The following BTBD9 variants were observed in gnomAD, a reference collection of about 807,000 sequenced individuals.
BTBD9 encodes BTB domain containing 9.
In BTBD9, 49 loss-of-function variants were observed where a neutral mutation model predicts 64.3. That is an observed-to-expected ratio of 0.76 (90% confidence interval 0.61 to 0.97). The LOEUF is 0.97. BTBD9 is among the 50% of genes least tolerant of loss of function. BTBD9 has a pLI of 0.00. For synonymous variants in BTBD9, 260 were observed against 274.7 expected (o/e 0.95, Z 0.53); for missense variants, 598 against 762.1 (o/e 0.78, Z 2.53).
At chr6:38,474,312 C>G (rs991399016) in intron 6 of BTBD9, among the ~76,000 whole-genome samples, 1 of 152,034 alleles carries the variant, frequency 6.6e-6, no homozygotes, top group Non-Finnish European at 1.5e-5. Flanking sequence ...CAACCGAGGT[C>G]AAGAGCTTGA....
intron 6 of BTBD9, among the ~76,000 whole-genome samples, chr6:38,480,314 T>C (rs1328840882): frequency 6.6e-6 from 1 of 152,172 alleles, no homozygotes; most frequent in African/African-American, 2.4e-5. Flanking sequence ...ACAGCATGCA[T>C]TCAACACTCA....
At chr6:38,280,952 T>C (rs1170250042) in intron 8 of BTBD9, among the ~76,000 whole-genome samples, 1 of 152,226 alleles carries the variant, frequency 6.6e-6, no homozygotes, top group Non-Finnish European at 1.5e-5. Flanking sequence ...ATTTGGAAAC[T>C]GCTGCAAAGA....
At chr6:38,491,488 T>C (rs1284397390) in intron 6 of BTBD9, among the ~76,000 whole-genome samples, 1 of 152,236 alleles carries the variant, frequency 6.6e-6, no homozygotes, top group Non-Finnish European at 1.5e-5. Context: ...AATTAAGTAA[T>C]AACACCTGTT....
intron 7 of BTBD9, among the ~76,000 whole-genome samples, chr6:38,299,525 C>A (rs1240203570): frequency 1.3e-5 from 2 of 152,184 alleles, no homozygotes; most frequent in African/African-American, 4.8e-5. Flanking sequence ...CCTGTTGTTG[C>A]CTGACTTTTT....
chr6:38,458,164 G>C (rs905927758), intron 6 of BTBD9, among the ~76,000 whole-genome samples: 1 of 152,116 alleles, frequency 6.6e-6, no homozygotes, highest in African/African-American at 2.4e-5. Context: ...AAACAAAACA[G>C]ATTAAAATAT....
chr6:38,630,439 T>G (rs993412173), intron 1 of BTBD9, among the ~76,000 whole-genome samples: 1 of 152,220 alleles, frequency 6.6e-6, no homozygotes, highest in African/African-American at 2.4e-5. Flanking sequence ...AGAATATCCT[T>G]GTTTTTAGGA....
At chr6:38,178,922 A>G (rs986169136) in intron 10 of BTBD9, among the ~76,000 whole-genome samples, 3 of 151,972 alleles carry the variant, frequency 2.0e-5, no homozygotes, top group Admixed American at 2.0e-4. Flanking sequence ...GGGCTATCTC[A>G]GCTCACTGCA....
chr6:38,296,051 A>AAAACAG (rs202030980), intron 7 of BTBD9, among the ~76,000 whole-genome samples: 4,415 of 152,246 alleles, frequency 0.029, 197 homozygotes, highest in African/African-American at 0.1. Context: ...CTGTCTCAAA[A>AAAACAG]AAACAGAAAC....
intron 6 of BTBD9, among the ~76,000 whole-genome samples, chr6:38,431,686 G>C (rs1315083294): frequency 1.3e-5 from 2 of 150,390 alleles, no homozygotes; most frequent in Non-Finnish European, 2.9e-5. Context: ...TCTACTGCTG[G>C]CACCCAATGC....
intron 8 of BTBD9, among the ~76,000 whole-genome samples, chr6:38,270,087 C>T (rs561714741): frequency 6.6e-6 from 1 of 152,342 alleles, no homozygotes; most frequent in South Asian, 2.1e-4. Flanking sequence ...GACCTTGCGA[C>T]ATTGACTCAA....
At chr6:38,339,513 T>TA (rs1434014261) in intron 7 of BTBD9, among the ~76,000 whole-genome samples, 5 of 151,992 alleles carry the variant, frequency 3.3e-5, no homozygotes, top group East Asian at 1.9e-4. Context: ...CACAGTAAGG[T>TA]AAAAAATATA....
chr6:38,322,434 A>G (rs906968004), intron 7 of BTBD9, among the ~76,000 whole-genome samples: 15 of 152,216 alleles, frequency 9.9e-5, no homozygotes, highest in African/African-American at 3.6e-4. Flanking sequence ...CTATCCCTTT[A>G]AAGATTAACA....
chr6:38,626,696 CG>C, intron 1 of BTBD9, among the ~76,000 whole-genome samples: 2 of 152,246 alleles, frequency 1.3e-5, no homozygotes, highest in Non-Finnish European at 2.9e-5. Context: ...TTAGAAATAG[CG>C]GGGCCTACTC....
chr6:38,305,545 C>G (rs1291434929), intron 7 of BTBD9, among the ~76,000 whole-genome samples: 1 of 152,164 alleles, frequency 6.6e-6, no homozygotes, highest in South Asian at 2.1e-4. Flanking sequence ...TGCAGTGGCA[C>G]GGTCTCAACT....
At chr6:38,251,372 C>T (rs1404330163) in intron 9 of BTBD9, among the ~76,000 whole-genome samples, 2 of 150,870 alleles carry the variant, frequency 1.3e-5, no homozygotes, top group Admixed American at 1.3e-4. Context: ...TCAAGCAATT[C>T]TCCTGCCTCA....
intron 7 of BTBD9, among the ~76,000 whole-genome samples, chr6:38,301,334 G>A (rs1320540282): frequency 6.6e-6 from 1 of 152,094 alleles, no homozygotes; most frequent in African/African-American, 2.4e-5. Flanking sequence ...TTTTTGTTGT[G>A]TCTCTGCCAG....
chr6:38,286,080 G>A (rs569331516), intron 8 of BTBD9, among the ~76,000 whole-genome samples: 1 of 151,550 alleles, frequency 6.6e-6, no homozygotes, highest in African/African-American at 2.4e-5. Context: ...GATGTGGCTT[G>A]TCTCTTTCCC....
chr6:38,173,732 T>C lies in BTBD9; in HGVS notation c.*1253A>G, dbSNP rs1045263829. On this transcript the variant is annotated 3_prime_UTR_variant, in exon 11 of 11. Transcript: ENST00000481247. ...GGACTGCAGTGCTGCTCACGTGCCA[T>C]GCCGTCCTGGGGAGACTCCCAGGCT... The C allele has an allele frequency of 2.6e-5, 4 of 152,188 alleles. No homozygotes were observed. The highest frequency in any genetic ancestry group is 5.9e-5 in the Non-Finnish European group (4 of 68,052). 9.4% of individuals were successfully genotyped at this position (152,188 alleles called of 1,614,324 possible). A position where few individuals can be genotyped will look rare whatever the true frequency, so the allele number is the denominator to read the frequency against.
chr6:38,458,667 T>C (rs1769930108), intron 6 of BTBD9, among the ~76,000 whole-genome samples: 1 of 152,216 alleles, frequency 6.6e-6, no homozygotes, highest in African/African-American at 2.4e-5. Flanking sequence ...AAATATACTG[T>C]GAGTTTTCAC....
Sources: gnomAD v4.1 joint callset for allele counts (sites outside exome capture counted in the v4.1 genomes callset) on GRCh38, gnomAD v4.1.1 for gene constraint, MANE v1.5 for transcripts, NCBI Gene and HGNC (gene_info 2026-07-23, HGNC 2026-07-21) for gene names.